NCAM2: variants seen among roughly 807,000 people sequenced by gnomAD.
NCAM2 encodes the protein N-CAM-2.
In NCAM2, 30 loss-of-function variants were observed where a neutral mutation model predicts 98.1. That is an observed-to-expected ratio of 0.31 (90% CI 0.23 to 0.41). The LOEUF (loss-of-function observed/expected upper bound fraction) is 0.41, where lower values mean the gene tolerates loss of function less well. Among genes scored for constraint, NCAM2 ranks in the 10% least tolerant of loss-of-function variants. The pLI, the probability that NCAM2 is intolerant of heterozygous loss-of-function variation, is 1.00. For synonymous variants in NCAM2, 368 were observed against 342.4 expected (o/e 1.07, Z -0.83); for missense variants, 867 against 1,005.8 (o/e 0.86, Z 1.87).
chr21:21,391,374 T>C (rs2076376985), intron 9 of NCAM2, among the ~76,000 whole-genome samples: 1 of 152,154 alleles, frequency 6.6e-6, no homozygotes, highest in South Asian at 2.1e-4. Flanking sequence ...CAACTTAATG[T>C]GCTTATAAGA....
rs1237103725 is a variant in NCAM2, at chr21:21,541,132, T to C, written c.*3175T>C. ...TAGATTTTATTAATCAAATTATTTA[T>C]TTGTGTGCCAACAATTAATTGTAAC... On this transcript the variant is annotated 3_prime_UTR_variant, in exon 18 of 18. Coordinates refer to ENST00000400546, the MANE Select transcript of NCAM2 (RefSeq NM_004540.5). The C allele has an allele frequency of 6.6e-6, 1 of 151,618 alleles. No individual in the cohort carries two copies. Among genetic ancestry groups the C allele is most frequent in the Non-Finnish European group, 1.5e-5 (1 of 67,734 alleles). 9.4% of individuals were successfully genotyped at this position (151,618 alleles called of 1,614,324 possible).
intron 1 of NCAM2, among the ~76,000 whole-genome samples, chr21:21,083,001 A>G (rs974131534): frequency 7.9e-5 from 12 of 152,234 alleles, no homozygotes; most frequent in Non-Finnish European, 7.3e-5. Flanking sequence ...CTCCTTGAGC[A>G]GCCTTTGCTT....
intron 8 of NCAM2, among the ~76,000 whole-genome samples, chr21:21,358,373 A>G (rs112269850): frequency 3.3e-5 from 5 of 152,154 alleles, no homozygotes; most frequent in African/African-American, 1.2e-4. Flanking sequence ...AGTGGGGATT[A>G]AAGAGTTTCA....
chr21:21,295,913 T>C (rs947163670), intron 5 of NCAM2, among the ~76,000 whole-genome samples: 1 of 151,828 alleles, frequency 6.6e-6, no homozygotes, highest in Admixed American at 6.6e-5. Context: ...TGAAATTACT[T>C]ACCTTGGTGT....
chr21:21,404,242 C>T (rs950008661), intron 9 of NCAM2, among the ~76,000 whole-genome samples: 5 of 152,124 alleles, frequency 3.3e-5, no homozygotes, highest in Non-Finnish European at 7.4e-5. Context: ...ACAATATCAA[C>T]ATATGTCAAT....
At chr21:21,277,265 G>C (rs1027104518) in intron 1 of NCAM2, among the ~76,000 whole-genome samples, 5 of 152,016 alleles carry the variant, frequency 3.3e-5, no homozygotes, top group Non-Finnish European at 4.4e-5. Context: ...ATTAGTTTGG[G>C]AGAAATAAAG....
At chr21:21,163,283 C>A (rs1023692330) in intron 1 of NCAM2, among the ~76,000 whole-genome samples, 1 of 151,536 alleles carries the variant, frequency 6.6e-6, no homozygotes, top group Non-Finnish European at 1.5e-5. Flanking sequence ...TAGGAGAGAG[C>A]AGGTTGAGGT....
intron 5 of NCAM2, among the ~76,000 whole-genome samples, chr21:21,306,981 G>A (rs1450784411): frequency 2.6e-5 from 4 of 151,962 alleles, no homozygotes; most frequent in African/African-American, 4.8e-5. Context: ...TTCACTTAAC[G>A]TAATGATCTG....
intron 6 of NCAM2, among the ~76,000 whole-genome samples, chr21:21,334,298 C>T (rs1291173292): frequency 6.6e-6 from 1 of 152,042 alleles, no homozygotes; most frequent in African/African-American, 2.4e-5. Flanking sequence ...ATGTTGTGTA[C>T]TTCATGGTAC....
chr21:21,196,777 C>G (rs987807560), intron 1 of NCAM2, among the ~76,000 whole-genome samples: 1 of 152,186 alleles, frequency 6.6e-6, no homozygotes, highest in African/African-American at 2.4e-5. Context: ...GTGTCTCCAC[C>G]CAAATCTCAT....
rs992334931 is a variant in NCAM2 at position 21,515,337 on chromosome 21, C to G, written c.2282+6282C>G. ...ACTTGTGAGAAAATGAGTGCAGTAACCTTAGGACCAATTCCCTTACTTCAG... is the reference window on the plus strand; with the variant it reads ...ACTTGTGAGAAAATGAGTGCAGTAAGCTTAGGACCAATTCCCTTACTTCAG... On this transcript the variant is annotated intron_variant, in intron 16 of 17. Coordinates refer to ENST00000400546, the MANE Select transcript of NCAM2 (RefSeq NM_004540.5). 3.3e-5 allele frequency among the ~76,000 whole-genome samples: 5 copies of G among 152,044 alleles called. No individual in the cohort carries two copies. The South Asian group carries it at 1.0e-3, about 32-fold the overall frequency.
At chr21:21,242,249 AC>A in intron 1 of NCAM2, among the ~76,000 whole-genome samples, 1 of 2,624 alleles carries the variant, frequency 3.8e-4, no homozygotes, top group East Asian at 0.083. Flanking sequence ...TTTATGTGAT[AC>A]AACATGCTTT....
intron 1 of NCAM2, among the ~76,000 whole-genome samples, chr21:21,066,765 T>TA (rs2065448133): frequency 6.6e-6 from 1 of 152,108 alleles, no homozygotes; most frequent in East Asian, 1.9e-4. Context: ...TTTAAGCCTA[T>TA]AGCAAGCTAA....
At chr21:21,047,155 A>G (rs909452370) in intron 1 of NCAM2, among the ~76,000 whole-genome samples, 6 of 152,164 alleles carry the variant, frequency 3.9e-5, no homozygotes, top group Non-Finnish European at 7.4e-5. Flanking sequence ...TAAATGATAA[A>G]GATTTTACTT....
intron 1 of NCAM2, among the ~76,000 whole-genome samples, chr21:21,087,065 T>G (rs917559605): frequency 7.3e-5 from 11 of 151,162 alleles, no homozygotes; most frequent in Middle Eastern, 6.8e-3. Context: ...ATGTTAAGAT[T>G]ATGTGTGTGT....
At chr21:21,133,748 G>T (rs1012980703) in intron 1 of NCAM2, among the ~76,000 whole-genome samples, 16 of 151,994 alleles carry the variant, frequency 1.1e-4, no homozygotes, top group Admixed American at 1.3e-4. Context: ...TTGCTGCCTC[G>T]ACCCTGATCT....
intron 1 of NCAM2, among the ~76,000 whole-genome samples, chr21:21,225,349 G>A (rs138379946): frequency 7.0e-4 from 107 of 152,000 alleles, no homozygotes; most frequent in African/African-American, 2.5e-3. Flanking sequence ...AACCACCATG[G>A]CACATGTTTA....
intron 1 of NCAM2, among the ~76,000 whole-genome samples, chr21:21,046,129 A>G (rs1217810314): frequency 6.6e-6 from 1 of 152,152 alleles, no homozygotes. Flanking sequence ...GCACTCCGAA[A>G]AACTCTGATC....
chr21:21,220,252 T>C (rs1022942551), intron 1 of NCAM2, among the ~76,000 whole-genome samples: 1 of 152,206 alleles, frequency 6.6e-6, no homozygotes, highest in African/African-American at 2.4e-5. Context: ...CCTCAGCAAC[T>C]TCTAGTCCTG....
Sources: gnomAD v4.1 joint callset for allele counts (sites outside exome capture counted in the v4.1 genomes callset) on GRCh38, gnomAD v4.1.1 for gene constraint, MANE v1.5 for transcripts, NCBI Gene and HGNC (gene_info 2026-07-23, HGNC 2026-07-21) for gene names.